The following CES4A variants were observed in gnomAD, a reference collection of about 807,000 sequenced individuals.
The protein encoded by CES4A is carboxylesterase 6.
Under a neutral mutation model 65.4 loss-of-function variants are expected in CES4A, and 48 were observed. The ratio of observed to expected loss-of-function variants is 0.73; its 90% CI spans 0.58 to 0.93. CES4A has a LOEUF of 0.93. CES4A is among the 40% of genes least tolerant of loss of function. CES4A has a pLI of 0.00. For synonymous variants in CES4A, 247 were observed against 281.8 expected, an observed-to-expected ratio of 0.88 and a Z score of 1.24; for missense variants, 685 against 728.5, an observed-to-expected ratio of 0.94 and a Z score of 0.69.
At chr16:67,004,906 C>A in intron 10 of CES4A, 33 bp downstream of exon 10, 1 of 1,497,572 alleles carries the variant, frequency 6.7e-7, no homozygotes, top group Non-Finnish European at 9.0e-7. Context: ...GTGCTCAGTT[C>A]GGACAGGGTT....
At position 67,000,532 on chromosome 16, in the gene CES4A, C is replaced by T; in HGVS notation, c.261-106C>T. On this transcript the variant is annotated intron_variant, in intron 2 of 13. Transcript: ENST00000648724. The surrounding 1 kb of genome is among the most constrained non-coding windows in gnomAD (Gnocchi z 4.2). ...GCACGCACATGCGCACGCACACGCA[C>T]GCGCACAGACGCTGCCTGGATTTTG... 1 of 1,465,672 alleles carries T rather than the reference C, an allele frequency of 6.8e-7. No homozygotes were observed. The highest frequency in any genetic ancestry group is 9.1e-7 in the Non-Finnish European group (1 of 1,104,878). The allele number at this position is 1,465,672 out of a possible 1,614,324, so 90.8% of individuals were successfully genotyped here.
rs781679651 is a variant in CES4A at position 67,004,212 on chromosome 16, GC to G, written c.1069del (p.Leu357SerfsTer6). 18 of 1,614,022 alleles carry G rather than the reference GC, an allele frequency of 1.1e-5. No homozygotes were observed. The highest frequency in any genetic ancestry group is 1.5e-5 in the Non-Finnish European group (18 of 1,180,018). ...GTGTCAACAACCTGGAATTCAATTG[GC>G]TCTTGCCTTATGTAAGTGAGTAGGA... On this transcript the variant is annotated frameshift_variant, in exon 9 of 14. Coordinates refer to ENST00000648724, the Ensembl canonical transcript of CES4A. LOFTEE classifies it high-confidence loss of function.
chr16:66,994,990 A>C (rs578097506), intron 1 of CES4A, among the ~76,000 whole-genome samples: 180 of 131,762 alleles, frequency 1.4e-3, no homozygotes, highest in Middle Eastern at 0.012. Flanking sequence ...GGCGATAGAG[A>C]AAGACCCCAT....
intron 1 of CES4A, among the ~76,000 whole-genome samples, chr16:66,992,929 ACC>A (rs1359886589): frequency 1.3e-5 from 2 of 151,770 alleles, no homozygotes; most frequent in Non-Finnish European, 2.9e-5. Context: ...CAGGTGATCC[ACC>A]CGCCTCGGCC....
At chr16:67,006,650 T>G in intron 12 of CES4A, 95 bp from the exon 13 acceptor site, 1 of 1,538,314 alleles carries the variant, frequency 6.5e-7, no homozygotes, top group Non-Finnish European at 8.9e-7. Context: ...CAAATGAAAG[T>G]CTTCTGCTCC....
Position 67,001,178 on chromosome 16 carries a change from AGG to A in CES4A, c.537-126_537-125del. 1 of 1,309,848 alleles carries A rather than the reference AGG, an allele frequency of 7.6e-7. No individual in the cohort carries two copies. The highest frequency in any genetic ancestry group is 1.0e-6 in the Non-Finnish European group (1 of 984,054). 81.1% of individuals were successfully genotyped at this position (1,309,848 alleles called of 1,614,324 possible). On this transcript the variant is annotated intron_variant, in intron 4 of 13. Transcript: ENST00000648724. This position sits in a 1 kb window ranked among gnomAD's most constrained non-coding sequence, Gnocchi z 4.1. ...GGATGGGGCGAGCTAACTCCAAGGA[AGG>A]GGGTGTGGTCGCAGGACTGGGTCTT...
At chr16:67,010,129 AATCTC>A (rs1966060293), downstream of CES4A, among the ~76,000 whole-genome samples, 1 of 149,492 alleles carries the variant, frequency 6.7e-6, no homozygotes, top group Non-Finnish European at 1.5e-5. Flanking sequence ...GCAATGATGA[AATCTC>A]AGCTCACTGC....
chr16:66,993,365 C>T lies in CES4A; in HGVS notation c.59-2263C>T, dbSNP rs546650652. The stretch of plus-strand genomic sequence containing the variant: ...GAGTGTTTGTTTGTCTGTTTTGAGA[C>T]GGAGTCTCACTTTGTCACCCAGGCT... On this transcript the variant is annotated intron_variant, in intron 1 of 13. Transcript: ENST00000648724. Among the ~76,000 whole-genome samples, 7 of 152,256 alleles carry T rather than the reference C, an allele frequency of 4.6e-5. No homozygotes were observed. In the East Asian group the frequency reaches 5.8e-4, roughly 13 times the overall value.
At chr16:66,997,960 C>CA (rs1964988838) in intron 2 of CES4A, among the ~76,000 whole-genome samples, 2 of 140,682 alleles carry the variant, frequency 1.4e-5, no homozygotes, top group African/African-American at 5.4e-5. Context: ...CACACACACA[C>CA]ACACACACAC....
chr16:67,007,021 C>G, intron 13 of CES4A: 1 of 570,216 alleles, frequency 1.8e-6, no homozygotes, highest in Non-Finnish European at 3.1e-6. Flanking sequence ...GATCCATGAC[C>G]CACACTCTTC....
chr16:66,999,041 C>T lies in CES4A; in HGVS notation c.261-1597C>T, dbSNP rs1965081535. Among the ~76,000 whole-genome samples, 5 of 152,324 alleles carry T rather than the reference C, an allele frequency of 3.3e-5. No individual in the cohort carries two copies. In the South Asian group the frequency reaches 1.0e-3, roughly 32 times the overall value. ...ACAGAAGCCTTGGCTGTTCATAATC[C>T]CAGTTCCCAGCTATCAGAGCCCTGG... On this transcript the variant is annotated intron_variant, in intron 2 of 13. Coordinates refer to ENST00000648724, the Ensembl canonical transcript of CES4A.
intron 1 of CES4A, among the ~76,000 whole-genome samples, chr16:66,989,765 G>A (rs2145564627): frequency 6.6e-6 from 1 of 151,852 alleles, no homozygotes; most frequent in East Asian, 2.0e-4. Flanking sequence ...TGAGGCAGGA[G>A]AATCGCTTGA....
At position 67,004,233 on chromosome 16, in the gene CES4A, G is replaced by A; in HGVS notation, c.1080+9G>A. On this transcript the variant is annotated intron_variant, in intron 9 of 13. Coordinates refer to ENST00000648724, the Ensembl canonical transcript of CES4A. ...ATTGGCTCTTGCCTTATGTAAGTGA[G>A]TAGGAGTTCAATTGGCTCTTGCCTT... 1.2e-6 allele frequency: 2 copies of A among 1,614,038 alleles called. No homozygotes were observed. The highest frequency in any genetic ancestry group is 2.2e-5 in the East Asian group (1 of 44,884).
At chr16:66,998,696 G>A (rs950937405) in intron 2 of CES4A, among the ~76,000 whole-genome samples, 6 of 152,022 alleles carry the variant, frequency 3.9e-5, no homozygotes, top group East Asian at 1.9e-4. Flanking sequence ...GCGAAACCCC[G>A]TCTCTTCTAA....
rs547075643 is a variant in CES4A, at chr16:67,003,465, G to A, written c.901-50G>A. On this transcript the variant is annotated intron_variant, in intron 7 of 13. Transcript: ENST00000648724. The surrounding 1 kb of genome is among the most constrained non-coding windows in gnomAD (Gnocchi z 4.2). ...CTTCCCCAGGGACCCTGTCTCAAGA[G>A]CACACGAGGGAGACTTCCTTTAACT... 56 of 1,598,452 alleles carry A rather than the reference G, an allele frequency of 3.5e-5. No homozygotes were observed. In the Middle Eastern group the frequency reaches 1.2e-3, roughly 33 times the overall value.
exon 9 of CES4A, chr16:67,004,097 T>C: frequency 1.2e-6 from 2 of 1,612,868 alleles, no homozygotes; most frequent in Non-Finnish European, 1.7e-6. Flanking sequence ...ATCTGGTCCA[T>C]GAGCCCTGTG....
chr16:66,988,617 C>G, exon 1 of CES4A: 1 of 1,438,358 alleles, frequency 7.0e-7, no homozygotes, highest in Middle Eastern at 1.9e-4. Context: ...TGGTCAGAAG[C>G]TGGTTACAAT....
intron 1 of CES4A, among the ~76,000 whole-genome samples, chr16:66,993,257 A>G (rs546229541): frequency 5.3e-5 from 8 of 152,264 alleles, no homozygotes; most frequent in African/African-American, 1.2e-4. Flanking sequence ...ATTTGTTGTC[A>G]CCTATGTACA....
At chr16:66,995,646 G>A (rs1567573090) in exon 2 of CES4A, 2 of 1,614,180 alleles carry the variant, frequency 1.2e-6, no homozygotes, top group African/African-American at 1.3e-5. Flanking sequence ...CACACCAAGA[G>A]GCCTCAAGTG....
Sources: allele counts gnomAD v4.1 joint callset (sites outside exome capture counted in the v4.1 genomes callset), GRCh38; gene constraint gnomAD v4.1.1; non-coding constraint Gnocchi (gnomAD v3.1); transcripts MANE v1.5; gene names NCBI Gene and HGNC (gene_info 2026-07-23, HGNC 2026-07-21).